The following THOC5 variants were observed in gnomAD, a reference collection of about 807,000 sequenced individuals.
THOC5 encodes the protein Fms-interacting protein.
A neutral mutation model predicts 92.9 loss-of-function variants in THOC5; 43 were observed. The observed-to-expected ratio is 0.46, with a 90% CI of 0.36 to 0.60. The LOEUF (loss-of-function observed/expected upper bound fraction) is 0.60, where lower values mean the gene tolerates loss of function less well. Among genes scored for constraint, THOC5 ranks in the 20% least tolerant of loss-of-function variants. The pLI, the probability that THOC5 is intolerant of heterozygous loss-of-function variation, is 0.00. For missense variants in THOC5, 659 were observed against 849.4 expected (o/e 0.78, Z 2.79); for synonymous variants, 296 against 320.1 (o/e 0.92, Z 0.80).
intron 15 of THOC5, 21 bp downstream of exon 15, chr22:29,518,985 A>C (rs778268747): frequency 7.4e-6 from 11 of 1,487,912 alleles, no homozygotes; most frequent in African/African-American, 2.8e-5. Flanking sequence ...CTCTTAAACC[A>C]CTGCCCCATC....
At chr22:29,547,113 G>C (rs1258598329) in intron 2 of THOC5, among the ~76,000 whole-genome samples, 6 of 152,126 alleles carry the variant, frequency 3.9e-5, no homozygotes, top group Admixed American at 1.3e-4. Flanking sequence ...CAAAGTGCTA[G>C]GATTATAGGC....
intron 5 of THOC5, among the ~76,000 whole-genome samples, chr22:29,541,893 AATATATAT>A (rs55924406): frequency 0.026 from 1,894 of 73,760 alleles, 26 homozygotes; most frequent in African/African-American, 0.042. Context: ...AAAAAAAAAA[AATATATAT>A]ATATATATAT....
intron 7 of THOC5, among the ~76,000 whole-genome samples, chr22:29,533,755 A>C (rs5763303): frequency 1.3e-5 from 2 of 152,138 alleles, no homozygotes; most frequent in Non-Finnish European, 2.9e-5. Context: ...CAACATCACT[A>C]GTCCTCAGGG....
rs992317130 is a variant in THOC5 at position 29,523,031 on chromosome 22, T to C, written c.1176-1932A>G. ...AAAAAGAAAACAAAAAACCAAACCA[T>C]TAACTCTTAAGACTGGCCTGGCCAA... On this transcript the variant is annotated intron_variant, in intron 12 of 19. Coordinates refer to ENST00000490103, the MANE Select transcript of THOC5 (RefSeq NM_003678.5). 2.8e-5 allele frequency among the ~76,000 whole-genome samples: 4 copies of C among 141,364 alleles called. No homozygotes were observed. The Admixed American group carries it at 2.9e-4, about 10-fold the overall frequency. 92.7% of individuals were successfully genotyped at this position (141,364 alleles called of 152,430 possible).
At chr22:29,538,801 G>A (rs5763309) in intron 6 of THOC5, among the ~76,000 whole-genome samples, 82,034 of 91,976 alleles carry the variant, frequency 0.89, 36,177 homozygotes, top group South Asian at 0.96. Flanking sequence ...CATCTCTTTG[G>A]AAAAAAAAAA....
chr22:29,513,482 G>A (rs758484453), intron 17 of THOC5, among the ~76,000 whole-genome samples: 5 of 152,030 alleles, frequency 3.3e-5, no homozygotes, highest in Non-Finnish European at 7.4e-5. Flanking sequence ...GATCACTTGA[G>A]GTCAGGACCA....
At chr22:29,532,717 C>T (rs1331637813) in intron 7 of THOC5, among the ~76,000 whole-genome samples, 1 of 151,286 alleles carries the variant, frequency 6.6e-6, no homozygotes, top group African/African-American at 2.4e-5. Context: ...GTGGCTCATG[C>T]CTGTAATCCC....
At chr22:29,524,316 C>T (rs990918524) in intron 12 of THOC5, among the ~76,000 whole-genome samples, 3 of 152,188 alleles carry the variant, frequency 2.0e-5, no homozygotes, top group Non-Finnish European at 4.4e-5. Flanking sequence ...GATTATAAAT[C>T]AGCTGTCCTT....
intron 2 of THOC5, among the ~76,000 whole-genome samples, chr22:29,545,996 G>A (rs923800499): frequency 1.3e-5 from 2 of 152,238 alleles, no homozygotes. Flanking sequence ...GGGCATCCAG[G>A]TGTTTCCGTA....
In THOC5 at chr22:29,506,517, T is replaced by G. The variant is rs142601648; in HGVS notation, c.*1940A>C. 2.2e-4 allele frequency: 33 copies of G among 151,978 alleles called. 1 individual carries two copies. The highest frequency in any genetic ancestry group is 7.5e-4 in the African/African-American group (31 of 41,444). 9.4% of individuals were successfully genotyped at this position (151,978 alleles called of 1,614,324 possible). ...GTGGGATCCCGCCTCTACAAAAAAT[T>G]TAAAAATTAGCCAGAAATGGTGGCA... On this transcript the variant is annotated 3_prime_UTR_variant, in exon 20 of 20. Transcript: ENST00000490103.
At chr22:29,537,062 GGCTCTGTCT>G (rs1281198941) in intron 6 of THOC5, among the ~76,000 whole-genome samples, 1 of 152,250 alleles carries the variant, frequency 6.6e-6, no homozygotes, top group African/African-American at 2.4e-5. Flanking sequence ...GCTCTCCAGA[GGCTCTGTCT>G]GCTCTGTAAC....
At chr22:29,522,509 T>C (rs2063464051) in intron 12 of THOC5, among the ~76,000 whole-genome samples, 1 of 152,146 alleles carries the variant, frequency 6.6e-6, no homozygotes, top group African/African-American at 2.4e-5. Flanking sequence ...AGGTTATTAA[T>C]TGACAAAACC....
intron 2 of THOC5, among the ~76,000 whole-genome samples, chr22:29,547,536 C>T (rs1236584327): frequency 2.0e-5 from 3 of 151,712 alleles, no homozygotes; most frequent in Non-Finnish European, 4.4e-5. Context: ...CTAATTTGTT[C>T]GTATGTTTAG....
In THOC5 at chr22:29,520,003, C is replaced by T; in HGVS notation, c.1374+5G>A. ...CAGCCAACTAGATGAGATCAGTGTA[C>T]AGACCTGGGGCTGCTCTTTGGGGAA... On this transcript the variant is annotated splice_donor_5th_base_variant and intron_variant, in intron 14 of 19. Transcript: ENST00000490103. The T allele has an allele frequency of 1.2e-6, 2 of 1,612,376 alleles. No homozygotes were observed. The highest frequency in any genetic ancestry group is 1.7e-6 in the Non-Finnish European group (2 of 1,179,082).
rs377158159 is a variant in THOC5, at chr22:29,549,133, C to T, written c.15G>A (p.Ser5=). MSSE[S]SKKRKPKVIR... is the part of the protein sequence containing the mutation. ...TCACTTTGGGCTTCCGTTTTTTGCTCGATTCTGATGACATGGTTGTTCCTC... is the reference window on the plus strand; with the variant it reads ...TCACTTTGGGCTTCCGTTTTTTGCTTGATTCTGATGACATGGTTGTTCCTC... Residue 5 remains serine (S), a synonymous_variant, in exon 2 of 20, where the codon TCG becomes TCA. Transcript: ENST00000490103. 151 of 1,614,000 alleles carry T rather than the reference C, an allele frequency of 9.4e-5. No individual in the cohort carries two copies. The African/African-American group carries it at 1.7e-3, about 18-fold the overall frequency.
At position 29,552,659 on chromosome 22, in the gene THOC5, G is replaced by A. The variant is rs558002333; in HGVS notation, c.-12+1012C>T. ...CGCCTGGCCGCCACCCCGTCCGGGAGGTGGGGGGCGCCTCTGCCCGGCCGC... is the reference window on the plus strand; with the variant it reads ...CGCCTGGCCGCCACCCCGTCCGGGAAGTGGGGGGCGCCTCTGCCCGGCCGC... On this transcript the variant is annotated intron_variant, in intron 1 of 19. Coordinates refer to ENST00000490103, the MANE Select transcript of THOC5 (RefSeq NM_003678.5). Among the ~76,000 whole-genome samples the A allele has an allele frequency of 3.4e-5, 5 of 147,510 alleles. No individual in the cohort carries two copies. In the South Asian group the frequency reaches 1.1e-3, roughly 33 times the overall value.
intron 9 of THOC5, 38 bp from the exon 10 acceptor site, chr22:29,528,504 G>T (rs1446778889): frequency 6.2e-7 from 1 of 1,609,334 alleles, no homozygotes; most frequent in South Asian, 1.1e-5. Context: ...AGGTGAGGGG[G>T]CTCCAAATGC....
chr22:29,546,020 C>T (rs1374150121), intron 2 of THOC5, among the ~76,000 whole-genome samples: 1 of 152,262 alleles, frequency 6.6e-6, no homozygotes. Context: ...CTTCTGAAAT[C>T]CAGGCGGAGG....
chr22:29,544,183 C>G (rs1004010359), intron 3 of THOC5, among the ~76,000 whole-genome samples: 4 of 152,162 alleles, frequency 2.6e-5, no homozygotes, highest in Non-Finnish European at 5.9e-5. Flanking sequence ...TTTCTCAACA[C>G]CTAGCAAAAT....
Sources: allele counts gnomAD v4.1 joint callset (sites outside exome capture counted in the v4.1 genomes callset), GRCh38; gene constraint gnomAD v4.1.1; transcripts MANE v1.5; gene names NCBI Gene and HGNC (gene_info 2026-07-23, HGNC 2026-07-21).